BMERB1: variants seen among roughly 807,000 people sequenced by gnomAD.
BMERB1 encodes bMERB domain-containing protein 1.
Under a neutral mutation model 23.6 loss-of-function variants are expected in BMERB1, and 12 were observed. That is an observed-to-expected ratio of 0.51 (90% CI 0.33 to 0.82). BMERB1 has a LOEUF of 0.82. BMERB1 is among the 40% of genes least tolerant of loss of function. The pLI is 0.03. For synonymous variants in BMERB1, 122 were observed against 96.6 expected (o/e 1.26, Z -1.54); for missense variants, 247 against 255.4 (o/e 0.97, Z 0.22).
chr16:15,515,464 G>GACTT (rs752407236), intron 2 of BMERB1, 36 bp downstream of exon 2: 3 of 1,600,488 alleles, frequency 1.9e-6, no homozygotes, highest in Non-Finnish European at 1.7e-6. Context: ...GGAAAGAAGT[G>GACTT]TGTGGAGGAG....
intron 1 of BMERB1, among the ~76,000 whole-genome samples, chr16:15,470,825 CTTTTTTTTTTTTT>C (rs35873574): frequency 5.3e-4 from 26 of 49,390 alleles, no homozygotes; most frequent in Non-Finnish European, 8.1e-4. Context: ...CACCTGGCCT[CTTTTTTTTTTTTT>C]TTTTTTTTTT....
intron 2 of BMERB1, among the ~76,000 whole-genome samples, chr16:15,541,858 T>C (rs2052085911): frequency 6.6e-6 from 1 of 151,102 alleles, no homozygotes; most frequent in African/African-American, 2.4e-5. Context: ...CGCCTCGGCC[T>C]CCCAAAGTGC....
rs1478413387 is a variant in BMERB1, at chr16:15,532,524, G to C, written c.230+17096G>C. 2.8e-4 allele frequency among the ~76,000 whole-genome samples: 41 copies of C among 149,050 alleles called. 1 individual carries two copies. The highest frequency in any genetic ancestry group is 1.6e-3 in the Admixed American group (24 of 14,800). ...ATTACAGGCTTGAGCCACTATGCCC[G>C]GCCTTTTTTTTTTCTTTTTCTTTTT... On this transcript the variant is annotated intron_variant, in intron 2 of 5. Transcript: ENST00000300006.
chr16:15,581,764 C>T (rs1027116958), intron 4 of BMERB1, among the ~76,000 whole-genome samples: 6 of 152,318 alleles, frequency 3.9e-5, no homozygotes, highest in African/African-American at 4.8e-5. Context: ...GCGCCAATGC[C>T]CTTTTCTAAG....
At chr16:15,479,923 C>T (rs2051304825) in intron 1 of BMERB1, among the ~76,000 whole-genome samples, 1 of 150,592 alleles carries the variant, frequency 6.6e-6, no homozygotes, top group African/African-American at 2.4e-5. Context: ...TGCACTCGAG[C>T]TTGAGCAACA....
chr16:15,514,647 G>A (rs1204701165), intron 1 of BMERB1, among the ~76,000 whole-genome samples: 2 of 152,060 alleles, frequency 1.3e-5, no homozygotes, highest in Non-Finnish European at 2.9e-5. Flanking sequence ...GCCTGGTGGT[G>A]TGCACTTGTA....
chr16:15,436,783 A>G (rs780534138), intron 1 of BMERB1, among the ~76,000 whole-genome samples: 9 of 151,852 alleles, frequency 5.9e-5, no homozygotes, highest in Non-Finnish European at 8.8e-5. Flanking sequence ...AATCTCAACA[A>G]TGGCTGCCTT....
At chr16:15,567,176 G>A (rs1393677474) in intron 2 of BMERB1, among the ~76,000 whole-genome samples, 2 of 151,896 alleles carry the variant, frequency 1.3e-5, no homozygotes, top group East Asian at 1.9e-4. Context: ...GGGCAACAGA[G>A]CGACACTCTA....
rs187006538 is a variant in BMERB1 at position 15,450,938 on chromosome 16, G to A, written c.106+16179G>A. On this transcript the variant is annotated intron_variant, in intron 1 of 5. Transcript: ENST00000300006. ...GTGAGGTTCCACGTTCCATCATATC[G>A]ATGATCATTTTAGGGTTTTCACACA... is the stretch of plus-strand genomic sequence containing the variant. 6.0e-3 allele frequency among the ~76,000 whole-genome samples: 917 copies of A among 152,162 alleles called. 11 individuals carry two copies. The highest frequency in any genetic ancestry group is 4.4e-3 in the Admixed American group (67 of 15,262).
intron 2 of BMERB1, among the ~76,000 whole-genome samples, chr16:15,539,374 C>T (rs1484090639): frequency 6.6e-6 from 1 of 152,136 alleles, no homozygotes; most frequent in African/African-American, 2.4e-5. Context: ...TTCACTCACT[C>T]ACCCGCCACT....
intron 1 of BMERB1, among the ~76,000 whole-genome samples, chr16:15,465,133 A>G (rs979181350): frequency 1.1e-4 from 17 of 152,096 alleles, no homozygotes; most frequent in African/African-American, 3.9e-4. Flanking sequence ...ACACACACAC[A>G]CCAATGAATT....
intron 1 of BMERB1, among the ~76,000 whole-genome samples, chr16:15,455,184 C>T (rs1269452445): frequency 6.6e-6 from 1 of 150,758 alleles, no homozygotes; most frequent in East Asian, 2.0e-4. Context: ...ATTAGCCGGG[C>T]GTGGTGGCGT....
chr16:15,523,265 T>C (rs1327267385), intron 2 of BMERB1, among the ~76,000 whole-genome samples: 1 of 152,052 alleles, frequency 6.6e-6, no homozygotes, highest in Admixed American at 6.5e-5. Context: ...TCTTTGCCGA[T>C]CTGCAGCTCT....
chr16:15,517,934 T>C (rs982104632), intron 2 of BMERB1, among the ~76,000 whole-genome samples: 15 of 149,936 alleles, frequency 1.0e-4, no homozygotes, highest in Non-Finnish European at 2.1e-4. Flanking sequence ...GATGTGTGTG[T>C]GCATGTGTGG....
intron 1 of BMERB1, among the ~76,000 whole-genome samples, chr16:15,494,199 A>G (rs983109363): frequency 1.8e-4 from 28 of 152,302 alleles, no homozygotes; most frequent in East Asian, 3.9e-4. Context: ...TGTTTATGCA[A>G]TTTTAACCGG....
intron 1 of BMERB1, among the ~76,000 whole-genome samples, chr16:15,437,889 C>G (rs970183122): frequency 1.2e-4 from 18 of 150,510 alleles, no homozygotes; most frequent in Admixed American, 1.1e-3. Flanking sequence ...ACCTGGGAGG[C>G]GGAGCTTGCA....
intron 1 of BMERB1, among the ~76,000 whole-genome samples, chr16:15,464,468 A>G (rs1312530641): frequency 1.3e-5 from 2 of 152,184 alleles, no homozygotes; most frequent in African/African-American, 4.8e-5. Flanking sequence ...AATTTTTTAA[A>G]AAAGAAGAAA....
chr16:15,450,426 T>C (rs189873225), intron 1 of BMERB1, among the ~76,000 whole-genome samples: 2 of 152,214 alleles, frequency 1.3e-5, no homozygotes, highest in Admixed American at 1.3e-4. Flanking sequence ...GGCTCATGGA[T>C]CCCTACCCTA....
chr16:15,550,081 C>G lies in BMERB1; in HGVS notation c.231-17902C>G, dbSNP rs201818182. Among the ~76,000 whole-genome samples, 27 of 151,806 alleles carry G rather than the reference C, an allele frequency of 1.8e-4. No homozygotes were observed. In the East Asian group the frequency reaches 5.2e-3, roughly 29 times the overall value. On this transcript the variant is annotated intron_variant, in intron 2 of 5. Transcript: ENST00000300006. Reference sequence around the variant, plus strand: ...GCTCCTGCCTCAGCTTCCCGAGTAGCTGGGACTACAAGCACCTACCACCAT... The same window carrying G: ...GCTCCTGCCTCAGCTTCCCGAGTAGGTGGGACTACAAGCACCTACCACCAT...
Sources: allele counts gnomAD v4.1 joint callset (sites outside exome capture counted in the v4.1 genomes callset), GRCh38; gene constraint gnomAD v4.1.1; transcripts MANE v1.5; gene names NCBI Gene and HGNC (gene_info 2026-07-23, HGNC 2026-07-21).